Variants in DSCAM observed in about 807,000 individuals in gnomAD.
The protein encoded by DSCAM is DS cell adhesion molecule.
DSCAM carries 47 observed loss-of-function variants against 217.7 expected under a neutral mutation model. The observed-to-expected ratio is 0.22, with a 90% CI of 0.17 to 0.28. The LOEUF is 0.28. Among genes scored for constraint, DSCAM ranks in the 10% least tolerant of loss-of-function variants. The pLI is 1.00. For missense variants in DSCAM, 2,080 were observed against 2,618.3 expected, an observed-to-expected ratio of 0.79 and a Z score of 4.49; for synonymous variants, 1,056 against 1,015.3, an observed-to-expected ratio of 1.04 and a Z score of -0.76.
chr21:40,604,587 G>T (rs968504629), intron 3 of DSCAM, among the ~76,000 whole-genome samples: 3 of 152,196 alleles, frequency 2.0e-5, no homozygotes, highest in African/African-American at 7.2e-5. Context: ...TGTATTTAAT[G>T]TTTGATGTAG....
In DSCAM at chr21:40,144,394, GT is replaced by G. The variant is rs1335576909; in HGVS notation, c.3259+96del. On this transcript the variant is annotated intron_variant, in intron 17 of 32. Transcript: ENST00000400454. The surrounding 1 kb of genome is among the most constrained non-coding windows in gnomAD (Gnocchi z 4.8). ...AGGCCCTGCAGGTCACTGCAAAGTC[GT>G]GGGGCGGGGGAGTGCGAGGTTGGGG... 32 of 1,547,872 alleles carry G rather than the reference GT, an allele frequency of 2.1e-5. No individual in the cohort carries two copies. The Middle Eastern group carries it at 7.1e-4, about 34-fold the overall frequency.
chr21:40,489,700 G>T (rs909106304), intron 3 of DSCAM, among the ~76,000 whole-genome samples: 1 of 148,716 alleles, frequency 6.7e-6, no homozygotes, highest in Non-Finnish European at 1.5e-5. Flanking sequence ...GCGTGAACCC[G>T]GGAGGCGGAG....
At chr21:40,346,051 T>C (rs1020784260) in intron 6 of DSCAM, among the ~76,000 whole-genome samples, 2 of 152,220 alleles carry the variant, frequency 1.3e-5, no homozygotes, top group African/African-American at 2.4e-5. Context: ...GGATCATCAA[T>C]ATGGTCTTTA....
intron 9 of DSCAM, among the ~76,000 whole-genome samples, chr21:40,306,270 T>C (rs1168775594): frequency 6.9e-6 from 1 of 145,462 alleles, no homozygotes; most frequent in Non-Finnish European, 1.5e-5. Flanking sequence ...TAAGAATGCT[T>C]GTGATTTTTG....
At chr21:40,638,830 C>T (rs1010556034) in intron 3 of DSCAM, among the ~76,000 whole-genome samples, 1 of 152,032 alleles carries the variant, frequency 6.6e-6, no homozygotes, top group African/African-American at 2.4e-5. Flanking sequence ...ATTTGTTGTG[C>T]TTTGATTAAG....
intron 9 of DSCAM, among the ~76,000 whole-genome samples, chr21:40,307,248 C>A (rs1351851215): frequency 2.1e-5 from 3 of 144,056 alleles, no homozygotes; most frequent in East Asian, 4.2e-4. Flanking sequence ...AAAAAAAAAA[C>A]AACCCCATCA....
At chr21:40,663,296 G>C (rs1202929802) in intron 3 of DSCAM, among the ~76,000 whole-genome samples, 1 of 151,422 alleles carries the variant, frequency 6.6e-6, no homozygotes, top group South Asian at 2.1e-4. Flanking sequence ...TGTGTGTGTG[G>C]TGTGTGTGGA....
At chr21:40,610,583 T>C (rs1014947551) in intron 3 of DSCAM, among the ~76,000 whole-genome samples, 9 of 152,204 alleles carry the variant, frequency 5.9e-5, no homozygotes, top group Non-Finnish European at 2.9e-5. Context: ...CTGTGTCTGA[T>C]TCCATCCCCT....
chr21:40,803,474 A>G (rs2091760055), intron 1 of DSCAM, among the ~76,000 whole-genome samples: 1 of 152,222 alleles, frequency 6.6e-6, no homozygotes, highest in East Asian at 1.9e-4. Context: ...TGAAAGTGAA[A>G]GAGCCATGAT....
intron 3 of DSCAM, 36 bp downstream of exon 3, chr21:40,692,774 G>C: frequency 6.3e-7 from 1 of 1,578,898 alleles, no homozygotes; most frequent in Non-Finnish European, 8.7e-7. Context: ...CAGAAGGTGA[G>C]CGTGGTGTCC....
chr21:40,075,584 A>G (rs1056757880), intron 26 of DSCAM, among the ~76,000 whole-genome samples: 5 of 152,182 alleles, frequency 3.3e-5, no homozygotes, highest in African/African-American at 1.2e-4. Flanking sequence ...TATTCGAAAA[A>G]ATTGCACATC....
chr21:40,113,259 T>C (rs1028619557), intron 20 of DSCAM, among the ~76,000 whole-genome samples: 2 of 152,172 alleles, frequency 1.3e-5, no homozygotes, highest in African/African-American at 4.8e-5. Context: ...TGGTTCAGCA[T>C]ACGCAAATCA....
At chr21:40,159,808 C>T (rs966399637) in intron 16 of DSCAM, among the ~76,000 whole-genome samples, 54 of 152,190 alleles carry the variant, frequency 3.5e-4, no homozygotes, top group African/African-American at 1.7e-4. Context: ...GTCTCGAACT[C>T]GTGATGTTAA....
rs564436636 is a variant in DSCAM at position 40,021,055 on chromosome 21, G to A, written c.5687-7669C>T. On this transcript the variant is annotated intron_variant, in intron 32 of 32. Coordinates refer to ENST00000400454, the MANE Select transcript of DSCAM (RefSeq NM_001389.5). ...GTCAGGGGAGGCTGAGATGAATAAG[G>A]CTGGGGGGGTGTGAGGGAGGATGGA... 1.1e-4 allele frequency among the ~76,000 whole-genome samples: 17 copies of A among 151,742 alleles called. No individual in the cohort carries two copies. In the South Asian group the frequency reaches 3.6e-3, roughly 32 times the overall value.
chr21:40,648,213 A>T (rs765026705), intron 3 of DSCAM, among the ~76,000 whole-genome samples: 2 of 151,770 alleles, frequency 1.3e-5, no homozygotes, highest in African/African-American at 2.4e-5. Flanking sequence ...ATAAATTAGT[A>T]ATTAAAAACT....
At chr21:40,794,775 A>G (rs549826583) in intron 1 of DSCAM, among the ~76,000 whole-genome samples, 1 of 150,900 alleles carries the variant, frequency 6.6e-6, no homozygotes, top group East Asian at 2.0e-4. Flanking sequence ...TATACTATTC[A>G]CAACACAATC....
intron 1 of DSCAM, among the ~76,000 whole-genome samples, chr21:40,759,620 G>C (rs1477218075): frequency 6.6e-6 from 1 of 152,056 alleles, no homozygotes; most frequent in Admixed American, 6.6e-5. Flanking sequence ...AGACTCTTCT[G>C]TGCTGCCCTC....
At chr21:40,360,193 G>A (rs560155055) in intron 4 of DSCAM, among the ~76,000 whole-genome samples, 1 of 143,676 alleles carries the variant, frequency 7.0e-6, no homozygotes, top group East Asian at 2.1e-4. Context: ...GTGCAGTGGC[G>A]TGATCTTAGC....
intron 11 of DSCAM, among the ~76,000 whole-genome samples, chr21:40,225,019 A>G (rs559324574): frequency 3.2e-4 from 49 of 152,342 alleles, no homozygotes; most frequent in African/African-American, 1.2e-3. Flanking sequence ...GCATGCTACA[A>G]GGTGAAGCAC....
Sources: allele counts gnomAD v4.1 joint callset (sites outside exome capture counted in the v4.1 genomes callset), GRCh38; gene constraint gnomAD v4.1.1; non-coding constraint Gnocchi (gnomAD v3.1); transcripts MANE v1.5; gene names NCBI Gene and HGNC (gene_info 2026-07-23, HGNC 2026-07-21).